GRM4: variants seen among roughly 807,000 people sequenced by gnomAD.
GRM4 encodes glutamate metabotropic receptor 4.
Under a neutral mutation model 81.7 loss-of-function variants are expected in GRM4, and 28 were observed. That is an observed-to-expected ratio of 0.34 (90% CI 0.25 to 0.47). The LOEUF (loss-of-function observed/expected upper bound fraction) is 0.47, where lower values mean the gene tolerates loss of function less well. Among genes scored for constraint, GRM4 ranks in the 20% least tolerant of loss-of-function variants. The pLI, the probability that GRM4 is intolerant of heterozygous loss-of-function variation, is 1.00. For synonymous variants in GRM4, 488 were observed against 528.8 expected (o/e 0.92, Z 1.06); for missense variants, 948 against 1,290.0 (o/e 0.73, Z 4.06).
At chr6:34,102,108 G>A (rs942196595) in intron 2 of GRM4, 6 of 1,535,506 alleles carry the variant, frequency 3.9e-6, no homozygotes, top group Admixed American at 3.9e-5. Flanking sequence ...AGCTTGGGAA[G>A]AGTTTGCACC....
Position 34,133,902 on chromosome 6 carries a change from A to C in GRM4, c.-363-43T>G. On this transcript the variant is annotated intron_variant, in intron 1 of 10. Transcript: ENST00000538487. This position sits in a 1 kb window ranked among gnomAD's most constrained non-coding sequence, Gnocchi z 6.5. The stretch of plus-strand genomic sequence containing the variant: ...GAGAGAGAATATCAAACAGAAGCCC[A>C]AAGAAGACATTAGCTAGTCTCATCT... 8 of 915,920 alleles carry C rather than the reference A, an allele frequency of 8.7e-6. No homozygotes were observed. Among genetic ancestry groups the C allele is most frequent in the Non-Finnish European group, 9.2e-6 (7 of 760,590 alleles). 56.7% of individuals were successfully genotyped at this position (915,920 alleles called of 1,614,324 possible). A position where few individuals can be genotyped will look rare whatever the true frequency, so the allele number is the denominator to read the frequency against.
At position 34,133,546 on chromosome 6, in the gene GRM4, G is replaced by A. The variant is rs772837674; in HGVS notation, c.-50C>T. The stretch of plus-strand genomic sequence containing the variant: ...AACGGCAGGCCCACTCCTAGCCCTG[G>A]CAGGCCCCTGGCCCCACGGCCTGGG... On this transcript the variant is annotated 5_prime_UTR_variant, in exon 2 of 11. Transcript: ENST00000538487. This position sits in a 1 kb window ranked among gnomAD's most constrained non-coding sequence, Gnocchi z 6.5. 2 of 1,505,570 alleles carry A rather than the reference G, an allele frequency of 1.3e-6. No homozygotes were observed. Among genetic ancestry groups the A allele is most frequent in the Non-Finnish European group, 1.8e-6 (2 of 1,133,520 alleles). The allele number at this position is 1,505,570 out of a possible 1,614,324, so 93.3% of individuals were successfully genotyped here. A position where few individuals can be genotyped will look rare whatever the true frequency, so the allele number is the denominator to read the frequency against.
At chr6:34,049,037 A>T (rs1765486375) in intron 6 of GRM4, among the ~76,000 whole-genome samples, 1 of 152,072 alleles carries the variant, frequency 6.6e-6, no homozygotes, top group Non-Finnish European at 1.5e-5. Context: ...TTAAGCAAAC[A>T]AACAAATCCC....
At chr6:34,079,286 C>T (rs1012227619) in intron 3 of GRM4, among the ~76,000 whole-genome samples, 2 of 152,128 alleles carry the variant, frequency 1.3e-5, no homozygotes, top group Non-Finnish European at 2.9e-5. Flanking sequence ...GACACCCTCC[C>T]ACCACCCTGA....
At chr6:34,128,541 C>T (rs191978850) in intron 2 of GRM4, among the ~76,000 whole-genome samples, 1 of 151,966 alleles carries the variant, frequency 6.6e-6, no homozygotes, top group South Asian at 2.1e-4. Context: ...CCACGCCCAG[C>T]TAATTATTGT....
rs948613807 is a variant in GRM4 at position 34,070,198 on chromosome 6, T to C, written c.737-8170A>G. ...GCCACCTCCTTACATGCACAGCCAC[T>C]GGACACCCCATTTGAGCCTGGCATC... On this transcript the variant is annotated intron_variant, in intron 3 of 10. Transcript: ENST00000538487. This position sits in a 1 kb window ranked among gnomAD's most constrained non-coding sequence, Gnocchi z 4.6. Among the ~76,000 whole-genome samples, 1 of 152,104 alleles carries C rather than the reference T, an allele frequency of 6.6e-6. No individual in the cohort carries two copies. Among genetic ancestry groups the C allele is most frequent in the African/African-American group, 2.4e-5 (1 of 41,426 alleles).
At chr6:34,044,225 T>TAC (rs200437645) in intron 6 of GRM4, among the ~76,000 whole-genome samples, 34,963 of 140,830 alleles carry the variant, frequency 0.25, 5,266 homozygotes, top group African/African-American at 0.41. Context: ...TACACATATA[T>TAC]ACAGACACAC....
At chr6:34,093,994 G>A (rs988302507) in intron 2 of GRM4, among the ~76,000 whole-genome samples, 4 of 152,216 alleles carry the variant, frequency 2.6e-5, no homozygotes. Context: ...GTTTGGAAAC[G>A]ACCCACATGT....
chr6:34,152,573 A>G lies in GRM4; in HGVS notation c.312+2506T>C, dbSNP rs951875189. On this transcript the variant is annotated intron_variant, in intron 1 of 8. Coordinates refer to the GRM4 transcript ENST00000374177. The surrounding 1 kb of genome is among the most constrained non-coding windows in gnomAD (Gnocchi z 4.1). ...GCTTTCTCCCTCTCTTCCTGTACCC[A>G]CCTCCCAGCAACCGACCCATCACCT... Among the ~76,000 whole-genome samples, 7 of 150,672 alleles carry G rather than the reference A, an allele frequency of 4.6e-5. No homozygotes were observed. Among genetic ancestry groups the G allele is most frequent in the Admixed American group, 4.0e-4 (6 of 15,118 alleles).
intron 2 of GRM4, among the ~76,000 whole-genome samples, chr6:34,098,864 A>G (rs1477247333): frequency 1.3e-5 from 2 of 152,092 alleles, no homozygotes; most frequent in African/African-American, 4.8e-5. Flanking sequence ...CCTTAGCTGC[A>G]GAGAGGGGGT....
rs763825749 is a variant in GRM4, at chr6:34,152,207, C to G, written c.312+2872G>C. Among the ~76,000 whole-genome samples the G allele has an allele frequency of 1.3e-5, 2 of 152,172 alleles. No individual in the cohort carries two copies. The highest frequency in any genetic ancestry group is 2.9e-5 in the Non-Finnish European group (2 of 68,030). Reference sequence around the variant, plus strand: ...TGCTCCTTCCCAAGCAGGACCCAGACAGCTGACAAGACAGAGAGCTGGACG... The same window carrying G: ...TGCTCCTTCCCAAGCAGGACCCAGAGAGCTGACAAGACAGAGAGCTGGACG... On this transcript the variant is annotated intron_variant, in intron 1 of 8. Coordinates refer to the GRM4 transcript ENST00000374177. The surrounding 1 kb of genome is among the most constrained non-coding windows in gnomAD (Gnocchi z 4.1).
chr6:34,122,344 A>C (rs1769844112), intron 2 of GRM4, among the ~76,000 whole-genome samples: 1 of 152,084 alleles, frequency 6.6e-6, no homozygotes, highest in Non-Finnish European at 1.5e-5. Context: ...ATAGACAGAC[A>C]GGGAAAGAGG....
rs938551913 is a variant in GRM4, at chr6:34,070,776, C to T, written c.737-8748G>A. Among the ~76,000 whole-genome samples the T allele has an allele frequency of 1.4e-5, 2 of 142,798 alleles. No individual in the cohort carries two copies. The highest frequency in any genetic ancestry group is 4.6e-4 in the South Asian group (2 of 4,382). 93.7% of individuals were successfully genotyped at this position (142,798 alleles called of 152,430 possible). A position where few individuals can be genotyped will look rare whatever the true frequency, so the allele number is the denominator to read the frequency against. On this transcript the variant is annotated intron_variant, in intron 3 of 10. Coordinates refer to ENST00000538487, the MANE Select transcript of GRM4 (RefSeq NM_000841.4). This position sits in a 1 kb window ranked among gnomAD's most constrained non-coding sequence, Gnocchi z 4.6. ...AGGCTCTCAGCACCCCCACCACACC[C>T]CCGCCACACCCCCAGCCACACACAC...
At chr6:34,045,864 A>G (rs1232485665) in intron 6 of GRM4, among the ~76,000 whole-genome samples, 2 of 152,174 alleles carry the variant, frequency 1.3e-5, no homozygotes, top group African/African-American at 4.8e-5. Flanking sequence ...CAGTTTGAAG[A>G]TGTCCTAATT....
At chr6:34,081,239 T>C (rs1756468806) in intron 3 of GRM4, among the ~76,000 whole-genome samples, 1 of 152,258 alleles carries the variant, frequency 6.6e-6, no homozygotes, top group Non-Finnish European at 1.5e-5. Flanking sequence ...CACCCTGGGC[T>C]GCAGTCACCT....
chr6:34,044,703 TACAG>T (rs1765249374), intron 6 of GRM4, among the ~76,000 whole-genome samples: 3 of 128,714 alleles, frequency 2.3e-5, no homozygotes, highest in Middle Eastern at 5.1e-3. Context: ...TACACATATA[TACAG>T]ACACACACAC....
At chr6:34,139,978 C>T (rs56882038) in intron 1 of GRM4, among the ~76,000 whole-genome samples, 3,192 of 152,236 alleles carry the variant, frequency 0.021, 97 homozygotes, top group African/African-American at 0.072. Context: ...CTGGAGCCCA[C>T]GTCCCAAAGC....
intron 3 of GRM4, among the ~76,000 whole-genome samples, chr6:34,082,349 G>C (rs78535518): frequency 3.8e-4 from 58 of 152,364 alleles, no homozygotes; most frequent in African/African-American, 1.2e-3. Context: ...TACTCTGTGG[G>C]CTCCCCACTG....
At chr6:34,150,449 G>A (rs1771022940), upstream of GRM4, among the ~76,000 whole-genome samples, 1 of 152,150 alleles carries the variant, frequency 6.6e-6, no homozygotes, top group Admixed American at 6.5e-5. Context: ...TTGCATGGAG[G>A]TCAAGGCAGC....
Sources: allele counts gnomAD v4.1 joint callset (sites outside exome capture counted in the v4.1 genomes callset), GRCh38; gene constraint gnomAD v4.1.1; non-coding constraint Gnocchi (gnomAD v3.1); transcripts MANE v1.5; gene names NCBI Gene and HGNC (gene_info 2026-07-23, HGNC 2026-07-21).